TMEM108: variants seen among roughly 807,000 people sequenced by gnomAD.
The protein encoded by TMEM108 is cancer/testis antigen 124.
Under a neutral mutation model 35.1 loss-of-function variants are expected in TMEM108, and 12 were observed. That is an observed-to-expected ratio of 0.34 (90% CI 0.22 to 0.55). TMEM108 has a LOEUF of 0.55. Ranked by LOEUF, TMEM108 falls within the 20% of genes least tolerant of loss-of-function variation. The pLI is 0.89. For synonymous variants in TMEM108, 287 were observed against 308.6 expected (o/e 0.93, Z 0.73); for missense variants, 680 against 753.3 (o/e 0.90, Z 1.14).
chr3:133,073,510 C>CTATATATATATA (rs1183039173), intron 2 of TMEM108, among the ~76,000 whole-genome samples: 24 of 43,878 alleles, frequency 5.5e-4, no homozygotes, highest in South Asian at 2.5e-3. Flanking sequence ...CTCTCTCTCT[C>CTATATATATATA]TATATATATA....
At chr3:133,386,522 A>T in intron 4 of TMEM108, 1 of 1,533,514 alleles carries the variant, frequency 6.5e-7, no homozygotes, top group South Asian at 1.2e-5. Context: ...CCTGTCACAC[A>T]TCTGACAAGC....
chr3:133,094,836 G>A (rs144152751), intron 2 of TMEM108, among the ~76,000 whole-genome samples: 30 of 151,972 alleles, frequency 2.0e-4, no homozygotes, highest in East Asian at 1.9e-3. Context: ...TTTTAATTCA[G>A]GGTATTTATT....
At chr3:133,314,923 A>G (rs2071177939) in intron 3 of TMEM108, among the ~76,000 whole-genome samples, 2 of 152,206 alleles carry the variant, frequency 1.3e-5, no homozygotes, top group Non-Finnish European at 2.9e-5. Context: ...TCTTGGTAAC[A>G]TCTTTTTTCA....
At chr3:133,366,028 C>A (rs1156838978) in intron 3 of TMEM108, among the ~76,000 whole-genome samples, 1 of 152,176 alleles carries the variant, frequency 6.6e-6, no homozygotes, top group East Asian at 1.9e-4. Flanking sequence ...CATCTTGGCT[C>A]CACCTTGAAT....
chr3:133,285,260 C>T (rs764547684), intron 3 of TMEM108, among the ~76,000 whole-genome samples: 18 of 152,198 alleles, frequency 1.2e-4, no homozygotes, highest in East Asian at 5.8e-4. Flanking sequence ...ATAACACAGA[C>T]GCAGAATAAA....
Position 133,239,616 on chromosome 3 carries a change from T to C in TMEM108, c.40+10265T>C, listed in dbSNP as rs186832921. On this transcript the variant is annotated intron_variant, in intron 3 of 5. Coordinates refer to ENST00000321871, the MANE Select transcript of TMEM108 (RefSeq NM_023943.4). ...CCTTAAGGGCTTATTTAAACACTGATCACTGGGCCACCCCCAGAGTTTCTC... is the reference window on the plus strand; with the variant it reads ...CCTTAAGGGCTTATTTAAACACTGACCACTGGGCCACCCCCAGAGTTTCTC... 3.4e-3 allele frequency among the ~76,000 whole-genome samples: 517 copies of C among 152,268 alleles called. 1 individual carries two copies. Among genetic ancestry groups the C allele is most frequent in the Middle Eastern group, 6.8e-3 (2 of 294 alleles).
At chr3:133,243,674 C>G (rs1032567559) in intron 3 of TMEM108, among the ~76,000 whole-genome samples, 3 of 152,116 alleles carry the variant, frequency 2.0e-5, no homozygotes, top group South Asian at 2.1e-4. Flanking sequence ...GCGCCTGCCA[C>G]CACGCCCGGC....
chr3:133,354,494 TACAGA>T (rs1160552266), intron 3 of TMEM108, among the ~76,000 whole-genome samples: 1 of 152,230 alleles, frequency 6.6e-6, no homozygotes, highest in East Asian at 1.9e-4. Flanking sequence ...CAGTGAGTTG[TACAGA>T]ACAGAAGTAT....
chr3:133,254,524 T>C (rs1007985347), intron 3 of TMEM108, among the ~76,000 whole-genome samples: 1 of 152,168 alleles, frequency 6.6e-6, no homozygotes, highest in Non-Finnish European at 1.5e-5. Flanking sequence ...GATACTTGCA[T>C]ATTAACGTCA....
intron 2 of TMEM108, among the ~76,000 whole-genome samples, chr3:133,225,924 G>A (rs1946063661): frequency 6.6e-6 from 1 of 152,296 alleles, no homozygotes; most frequent in East Asian, 1.9e-4. Flanking sequence ...CAAGACCTGC[G>A]ACACAGTCTC....
chr3:133,047,026 ATAGACAAT>A (rs1221932239), intron 2 of TMEM108, among the ~76,000 whole-genome samples: 1 of 152,200 alleles, frequency 6.6e-6, no homozygotes, highest in Non-Finnish European at 1.5e-5. Context: ...ACTGAACAAA[ATAGACAAT>A]TAGAGGATGG....
intron 2 of TMEM108, among the ~76,000 whole-genome samples, chr3:133,158,859 A>G (rs1287885407): frequency 2.6e-5 from 4 of 152,232 alleles, no homozygotes; most frequent in Non-Finnish European, 5.9e-5. Context: ...CCTTTCCCAC[A>G]GCTGGCTACT....
chr3:133,256,331 T>A (rs1353556386), intron 3 of TMEM108, among the ~76,000 whole-genome samples: 1 of 152,180 alleles, frequency 6.6e-6, no homozygotes, highest in South Asian at 2.1e-4. Context: ...TTCTAAAAGA[T>A]ATGCCTCAGG....
chr3:133,119,378 G>A (rs1431573359), intron 2 of TMEM108: 2 of 152,200 alleles, frequency 1.3e-5, no homozygotes, highest in African/African-American at 2.4e-5. Flanking sequence ...GGATGGTGGA[G>A]TATAAACACT....
intron 2 of TMEM108, chr3:133,192,827 G>A (rs866581814): frequency 1.3e-5 from 2 of 152,360 alleles, no homozygotes; most frequent in African/African-American, 4.8e-5. Context: ...AGCAAGAAAA[G>A]GTGAGATCGG....
intron 2 of TMEM108, among the ~76,000 whole-genome samples, chr3:133,060,071 C>T (rs1478336512): frequency 6.6e-6 from 1 of 151,472 alleles, no homozygotes; most frequent in Non-Finnish European, 1.5e-5. Flanking sequence ...TTCTATTATT[C>T]TCTCCTTCCT....
intron 2 of TMEM108, among the ~76,000 whole-genome samples, chr3:133,187,835 C>T (rs1308292852): frequency 7.0e-6 from 1 of 142,400 alleles, no homozygotes. Flanking sequence ...AGGAGAGTTT[C>T]CTTCTAGATT....
At chr3:133,382,250 C>G (rs1236580634) in intron 4 of TMEM108, among the ~76,000 whole-genome samples, 2 of 152,356 alleles carry the variant, frequency 1.3e-5, no homozygotes, top group East Asian at 3.9e-4. Flanking sequence ...CTCTGACCCT[C>G]CAGGTTGTTG....
At chr3:133,088,934 A>G (rs1296486068) in intron 2 of TMEM108, among the ~76,000 whole-genome samples, 2 of 152,230 alleles carry the variant, frequency 1.3e-5, no homozygotes, top group African/African-American at 4.8e-5. Flanking sequence ...TAATTGGCTC[A>G]CAGTTCTGCA....
Sources: allele counts gnomAD v4.1 joint callset (sites outside exome capture counted in the v4.1 genomes callset), GRCh38; gene constraint gnomAD v4.1.1; transcripts MANE v1.5; gene names NCBI Gene and HGNC (gene_info 2026-07-23, HGNC 2026-07-21).